The following ARPP21 variants were observed in gnomAD, a reference collection of about 807,000 sequenced individuals.
The protein encoded by ARPP21 is cAMP-regulated phosphoprotein 21.
A neutral mutation model predicts 113.2 loss-of-function variants in ARPP21; 69 were observed. The ratio of observed to expected loss-of-function variants is 0.61; its 90% confidence interval spans 0.50 to 0.74. The LOEUF (loss-of-function observed/expected upper bound fraction) is 0.74, where lower values mean the gene tolerates loss of function less well. Among genes scored for constraint, ARPP21 ranks in the 30% least tolerant of loss-of-function variants. The pLI is 0.00. For synonymous variants in ARPP21, 368 were observed against 375.5 expected (o/e 0.98, Z 0.23); for missense variants, 1,070 against 1,037.4 (o/e 1.03, Z -0.43).
chr3:35,747,965 G>A (rs7629820), intron 19 of ARPP21, among the ~76,000 whole-genome samples: 79 of 102,904 alleles, frequency 7.7e-4, no homozygotes, highest in African/African-American at 2.6e-3. Context: ...GAAAGAAAGA[G>A]AGAGAGAGAG....
chr3:35,681,771 T>C lies in ARPP21; in HGVS notation c.20T>C (p.Leu7Pro), dbSNP rs2078996938. Reference sequence around the variant, plus strand: ...GGGAGAATGTCTGAGCAAGGAGACCTGAATCAGGCAATAGCAGAGGAAGGA... The same window carrying C: ...GGGAGAATGTCTGAGCAAGGAGACCCGAATCAGGCAATAGCAGAGGAAGGA... MSEQGD[L>P]NQAIAEEGGT... Residue 7 changes from leucine to proline, a missense_variant, in exon 3 of 21, where the codon CTG (leucine) becomes CCG (proline). Leu to Pro is a moderately conservative substitution (Grantham distance 98). Coordinates refer to ENST00000684406, the MANE Select transcript of ARPP21 (RefSeq NM_001385562.1). The C allele has an allele frequency of 6.2e-7, 1 of 1,611,254 alleles. No homozygotes were observed. The highest frequency in any genetic ancestry group is 8.5e-7 in the Non-Finnish European group (1 of 1,178,170).
intron 1 of ARPP21, among the ~76,000 whole-genome samples, chr3:35,653,487 G>C (rs777105828): frequency 2.2e-4 from 34 of 151,960 alleles, no homozygotes; most frequent in Non-Finnish European, 4.3e-4. Context: ...AAATTTGTCT[G>C]CATGCTTCAC....
At chr3:35,681,582 T>C (rs2078945994) in intron 2 of ARPP21, 132 bp from the exon 3 acceptor site, 2 of 576,270 alleles carry the variant, frequency 3.5e-6, no homozygotes, top group Admixed American at 6.0e-5. Context: ...TTCATCTTGT[T>C]TTTTCCCCCT....
At chr3:35,710,085 C>A (rs1235638037) in intron 11 of ARPP21, among the ~76,000 whole-genome samples, 3 of 152,168 alleles carry the variant, frequency 2.0e-5, no homozygotes, top group Non-Finnish European at 4.4e-5. Flanking sequence ...TCCTCCAGCA[C>A]TGCACTTCTT....
intron 14 of ARPP21, among the ~76,000 whole-genome samples, chr3:35,724,489 T>C (rs1181362054): frequency 1.3e-5 from 2 of 152,190 alleles, no homozygotes; most frequent in African/African-American, 2.4e-5. Context: ...AAATCCCAGA[T>C]TGCAACACCC....
chr3:35,779,156 G>A (rs1457959471), intron 19 of ARPP21, among the ~76,000 whole-genome samples: 1 of 152,074 alleles, frequency 6.6e-6, no homozygotes, highest in Non-Finnish European at 1.5e-5. Flanking sequence ...GATACTGGGG[G>A]CAAATTAGGT....
intron 19 of ARPP21, among the ~76,000 whole-genome samples, chr3:35,770,487 CT>C (rs771466939): frequency 6.6e-6 from 1 of 151,870 alleles, no homozygotes; most frequent in Non-Finnish European, 1.5e-5. Context: ...GCATATGGTT[CT>C]TTTCACCACA....
chr3:35,761,893 T>G (rs1408115270), intron 19 of ARPP21, among the ~76,000 whole-genome samples: 1 of 152,056 alleles, frequency 6.6e-6, no homozygotes, highest in Admixed American at 6.6e-5. Flanking sequence ...GAGCCCCTAC[T>G]AGGACGGCAC....
chr3:35,654,733 A>T (rs990483413), intron 1 of ARPP21, among the ~76,000 whole-genome samples: 2 of 152,016 alleles, frequency 1.3e-5, no homozygotes, highest in African/African-American at 4.8e-5. Flanking sequence ...ACCCTCAAGG[A>T]GTCAGTTTCT....
intron 1 of ARPP21, among the ~76,000 whole-genome samples, chr3:35,654,976 T>C (rs1203363476): frequency 6.6e-6 from 1 of 151,948 alleles, no homozygotes; most frequent in Non-Finnish European, 1.5e-5. Flanking sequence ...GTTTTCCCAT[T>C]TACCTAACTT....
intron 19 of ARPP21, among the ~76,000 whole-genome samples, chr3:35,749,644 A>G (rs2095328289): frequency 6.6e-6 from 1 of 152,112 alleles, no homozygotes; most frequent in Non-Finnish European, 1.5e-5. Flanking sequence ...GAATTCTCCA[A>G]TAAATCCATT....
intron 9 of ARPP21, among the ~76,000 whole-genome samples, chr3:35,695,774 T>A (rs1172744707): frequency 1.3e-5 from 2 of 151,580 alleles, no homozygotes; most frequent in Non-Finnish European, 3.0e-5. Context: ...TCTCTACATT[T>A]TTTTAACATT....
chr3:35,684,065 A>G (rs1347390876), intron 5 of ARPP21: 9 of 1,594,618 alleles, frequency 5.6e-6, no homozygotes, highest in Admixed American at 1.8e-5. Context: ...AAGAATTTAG[A>G]TTAAAAGTTA....
chr3:35,684,295 T>C lies in ARPP21; in HGVS notation c.261+480T>C, dbSNP rs187954667. Reference sequence around the variant, plus strand: ...GCATTTAACTTTGGAGAAATACTTTTATGGCTTTGGTGGAGATTTCTCAAT... The same window carrying C: ...GCATTTAACTTTGGAGAAATACTTTCATGGCTTTGGTGGAGATTTCTCAAT... On this transcript the variant is annotated intron_variant, in intron 5 of 20. Coordinates refer to ENST00000684406, the MANE Select transcript of ARPP21 (RefSeq NM_001385562.1). 8 of 1,130,154 alleles carry C rather than the reference T, an allele frequency of 7.1e-6. No homozygotes were observed. The Middle Eastern group carries it at 1.1e-3, about 155-fold the overall frequency. The allele number at this position is 1,130,154 out of a possible 1,614,324, so 70.0% of individuals were successfully genotyped here.
rs1253933213 is a variant in ARPP21, at chr3:35,721,851, G to A, written c.1225+17G>A. Reference sequence around the variant, plus strand: ...CCAAAGCAGGTAGTTAGTACTGAATGTGTTTATGTCCTGTGGTATTTTTTG... The same window carrying A: ...CCAAAGCAGGTAGTTAGTACTGAATATGTTTATGTCCTGTGGTATTTTTTG... On this transcript the variant is annotated intron_variant, in intron 14 of 20. Transcript: ENST00000684406. 19 of 1,525,608 alleles carry A rather than the reference G, an allele frequency of 1.2e-5. No homozygotes were observed. The highest frequency in any genetic ancestry group is 1.5e-5 in the Non-Finnish European group (17 of 1,119,724). 94.5% of individuals were successfully genotyped at this position (1,525,608 alleles called of 1,614,324 possible).
chr3:35,639,848 G>T lies in ARPP21; in HGVS notation c.-763G>T, dbSNP rs1484970046. 6.6e-6 allele frequency: 1 copy of T among 152,534 alleles called. No homozygotes were observed. Among genetic ancestry groups the T allele is most frequent in the Non-Finnish European group, 1.5e-5 (1 of 68,342 alleles). 9.4% of individuals were successfully genotyped at this position (152,534 alleles called of 1,614,324 possible). A position where few individuals can be genotyped will look rare whatever the true frequency, so the allele number is the denominator to read the frequency against. The stretch of plus-strand genomic sequence containing the variant: ...CATTGCTGGTGGGACGGAGGGATTC[G>T]GACGGACGGACAGACCAGCGCACAG... On this transcript the variant is annotated 5_prime_UTR_variant, in exon 1 of 21. Coordinates refer to ENST00000684406, the MANE Select transcript of ARPP21 (RefSeq NM_001385562.1). The surrounding 1 kb of genome is among the most constrained non-coding windows in gnomAD (Gnocchi z 5.0).
Position 35,793,895 on chromosome 3 carries a change from G to A in ARPP21, c.2481G>A (p.Met827Ile). ...GCCCCTCCAGCACTGTCCCAGTGATGTCAGCTAGCTGCAGAACAAACTGTG... is the reference window on the plus strand; with the variant it reads ...GCCCCTCCAGCACTGTCCCAGTGATATCAGCTAGCTGCAGAACAAACTGTG... ...PHCPSSTVPV[M>I]SASCRTNCAS... The change falls in exon 21 of 21, where the codon ATG becomes ATA. Residue 827 changes from methionine (M) to isoleucine (I), a missense_variant. Met to Ile is a conservative substitution (Grantham distance 10, BLOSUM62 1). Transcript: ENST00000684406. 2 of 1,614,122 alleles carry A rather than the reference G, an allele frequency of 1.2e-6. No homozygotes were observed. Among genetic ancestry groups the A allele is most frequent in the Non-Finnish European group, 8.5e-7 (1 of 1,179,984 alleles).
intron 19 of ARPP21, among the ~76,000 whole-genome samples, chr3:35,762,226 A>C (rs1040348356): frequency 6.6e-6 from 1 of 151,876 alleles, no homozygotes; most frequent in African/African-American, 2.4e-5. Flanking sequence ...GTTATTCTTC[A>C]AATATTTTCA....
intron 19 of ARPP21, among the ~76,000 whole-genome samples, chr3:35,752,450 T>C (rs570301534): frequency 4.8e-4 from 73 of 152,174 alleles, no homozygotes; most frequent in Middle Eastern, 6.8e-3. Flanking sequence ...AAATTCAAAA[T>C]GCCTTTCAAC....
Sources: allele counts gnomAD v4.1 joint callset (sites outside exome capture counted in the v4.1 genomes callset), GRCh38; gene constraint gnomAD v4.1.1; non-coding constraint Gnocchi (gnomAD v3.1); transcripts MANE v1.5; gene names NCBI Gene and HGNC (gene_info 2026-07-23, HGNC 2026-07-21).